Variants in PRKG2 observed in about 807,000 individuals in gnomAD.
PRKG2 encodes cGMP-dependent protein kinase 2.
PRKG2 carries 33 observed loss-of-function variants against 97.2 expected under a neutral mutation model. The observed-to-expected ratio is 0.34, with a 90% CI of 0.26 to 0.45. PRKG2 has a LOEUF of 0.45. PRKG2 is among the 20% of genes least tolerant of loss of function. The probability of loss-of-function intolerance (pLI) is 1.00; values close to 1 mark genes in which losing one functional copy is unlikely to be tolerated. For missense variants in PRKG2, 638 were observed against 900.0 expected (o/e 0.71, Z 3.73); for synonymous variants, 330 against 321.8 (o/e 1.03, Z -0.27).
intron 11 of PRKG2, 119 bp downstream of exon 11, chr4:81,142,675 T>C: frequency 1.6e-6 from 2 of 1,262,042 alleles, no homozygotes; most frequent in South Asian, 2.1e-5. Context: ...CAATTTCAGT[T>C]CAAAGCAACA....
chr4:81,176,680 T>C (rs1269770008), intron 2 of PRKG2, among the ~76,000 whole-genome samples: 2 of 152,184 alleles, frequency 1.3e-5, no homozygotes, highest in African/African-American at 4.8e-5. Flanking sequence ...TTTAAGCAAC[T>C]TTGGAAATTT....
chr4:81,212,101 T>G (rs969675462), intron 1 of PRKG2, among the ~76,000 whole-genome samples: 1 of 152,090 alleles, frequency 6.6e-6, no homozygotes, highest in Non-Finnish European at 1.5e-5. Context: ...ATGCCACAAT[T>G]AAAAGCATCT....
intron 14 of PRKG2, among the ~76,000 whole-genome samples, chr4:81,132,751 CTCTTAATT>C (rs1213506736): frequency 6.6e-6 from 1 of 152,168 alleles, no homozygotes; most frequent in African/African-American, 2.4e-5. Context: ...AATCATTATA[CTCTTAATT>C]TCTTATTAGA....
rs1177967951 is a variant in PRKG2, at chr4:81,152,594, A to AC, written c.991-541dup. ...ATCTGTTGCCCAGAAAGGCTTAAGA[A>AC]CCCCCCACCCAGCAGGGCCAAACAG... On this transcript the variant is annotated intron_variant, in intron 7 of 18. Transcript: ENST00000264399. 3.3e-5 allele frequency among the ~76,000 whole-genome samples: 5 copies of AC among 152,008 alleles called. 1 individual carries two copies. In the South Asian group the frequency reaches 1.0e-3, roughly 32 times the overall value.
chr4:81,107,558 G>A (rs1743470338), intron 15 of PRKG2, among the ~76,000 whole-genome samples: 1 of 151,970 alleles, frequency 6.6e-6, no homozygotes. Context: ...CTGTCATCAG[G>A]CTGGAGTGCA....
At chr4:81,197,059 G>A (rs1259686053) in intron 2 of PRKG2, among the ~76,000 whole-genome samples, 1 of 152,178 alleles carries the variant, frequency 6.6e-6, no homozygotes, top group East Asian at 1.9e-4. Context: ...GAGCTGAGCT[G>A]CTCAGGCTTA....
Position 81,187,895 on chromosome 4 carries a change from G to A in PRKG2, c.462-12936C>T, listed in dbSNP as rs886969790. Among the ~76,000 whole-genome samples the A allele has an allele frequency of 6.6e-5, 10 of 152,000 alleles. No homozygotes were observed. The East Asian group carries it at 7.7e-4, about 12-fold the overall frequency. ...TTCAAGATGGATTAAAGACTTAAAC[G>A]TTAGACCTAAAACCATAAAAACCCT... On this transcript the variant is annotated intron_variant, in intron 2 of 18. Transcript: ENST00000264399.
At chr4:81,164,065 A>G (rs960084489) in intron 6 of PRKG2, among the ~76,000 whole-genome samples, 1 of 152,220 alleles carries the variant, frequency 6.6e-6, no homozygotes, top group Non-Finnish European at 1.5e-5. Context: ...GGGCCCAGTC[A>G]GCCATTCGGG....
At chr4:81,128,818 A>G (rs1414522962) in intron 14 of PRKG2, among the ~76,000 whole-genome samples, 1 of 151,800 alleles carries the variant, frequency 6.6e-6, no homozygotes, top group Non-Finnish European at 1.5e-5. Flanking sequence ...TCATGTCTCT[A>G]TCTTCTTCAG....
At chr4:81,096,172 C>T (rs1329658235) in intron 17 of PRKG2, among the ~76,000 whole-genome samples, 1 of 152,078 alleles carries the variant, frequency 6.6e-6, no homozygotes, top group Non-Finnish European at 1.5e-5. Context: ...TATTGATTAA[C>T]TTTTCATTTC....
At chr4:81,207,836 AAT>A (rs1269360508) in intron 1 of PRKG2, among the ~76,000 whole-genome samples, 1 of 152,224 alleles carries the variant, frequency 6.6e-6, no homozygotes. Context: ...CATCCATTTA[AAT>A]ATTGCTGTCC....
intron 13 of PRKG2, among the ~76,000 whole-genome samples, chr4:81,136,606 C>G (rs1172516378): frequency 1.3e-5 from 2 of 152,110 alleles, no homozygotes; most frequent in Non-Finnish European, 2.9e-5. Context: ...AGCAGTTTCC[C>G]TGCCTCTCTG....
intron 17 of PRKG2, among the ~76,000 whole-genome samples, chr4:81,102,042 T>G (rs991215645): frequency 6.6e-6 from 1 of 152,176 alleles, no homozygotes; most frequent in Admixed American, 6.6e-5. Context: ...TCTGAGCATC[T>G]ACACAACCGA....
chr4:81,112,501 TCTC>T (rs1744090013), intron 14 of PRKG2, among the ~76,000 whole-genome samples: 1 of 152,176 alleles, frequency 6.6e-6, no homozygotes. Flanking sequence ...GCATTTAAGT[TCTC>T]CTCATAAGGA....
intron 2 of PRKG2, 61 bp from the exon 3 acceptor site, chr4:81,175,020 A>T: frequency 7.1e-7 from 1 of 1,398,950 alleles, no homozygotes; most frequent in Non-Finnish European, 9.7e-7. Flanking sequence ...TACTATTTAG[A>T]TTCACTTTAT....
intron 1 of PRKG2, among the ~76,000 whole-genome samples, chr4:81,209,398 G>A (rs1022231207): frequency 4.6e-5 from 7 of 152,062 alleles, no homozygotes; most frequent in African/African-American, 1.7e-4. Flanking sequence ...ATATATAGAT[G>A]TGTGTGTATA....
chr4:81,101,533 AG>A (rs970779388), intron 17 of PRKG2, among the ~76,000 whole-genome samples: 4 of 123,698 alleles, frequency 3.2e-5, no homozygotes, highest in African/African-American at 1.2e-4. Flanking sequence ...ACATGGACCC[AG>A]GAATGGGAAC....
intron 9 of PRKG2, among the ~76,000 whole-genome samples, chr4:81,147,690 G>A (rs1747991742): frequency 1.3e-5 from 2 of 152,096 alleles, no homozygotes; most frequent in South Asian, 4.1e-4. Context: ...GACAGGGACG[G>A]CTCCAACACA....
chr4:81,170,825 C>A (rs979934699), intron 4 of PRKG2, among the ~76,000 whole-genome samples: 1 of 151,986 alleles, frequency 6.6e-6, no homozygotes, highest in Admixed American at 6.6e-5. Flanking sequence ...TAATTAATTT[C>A]TCTGGCTTAT....
Sources: allele counts gnomAD v4.1 joint callset (sites outside exome capture counted in the v4.1 genomes callset), GRCh38; gene constraint gnomAD v4.1.1; transcripts MANE v1.5; gene names NCBI Gene and HGNC (gene_info 2026-07-23, HGNC 2026-07-21).